The following MAST4 variants were observed in gnomAD, a reference collection of about 807,000 sequenced individuals.
MAST4 encodes microtubule associated serine/threonine kinase family member 4, also known as microtubule-associated serine/threonine-protein kinase 4.
Under a neutral mutation model 162.7 loss-of-function variants are expected in MAST4, and 89 were observed. That is an observed-to-expected ratio of 0.55 (90% confidence interval 0.46 to 0.65). The LOEUF (loss-of-function observed/expected upper bound fraction) is 0.65, where lower values mean the gene tolerates loss of function less well. Among genes scored for constraint, MAST4 ranks in the 30% least tolerant of loss-of-function variants. The probability of loss-of-function intolerance (pLI) is 0.00; values close to 1 mark genes in which losing one functional copy is unlikely to be tolerated. For missense variants in MAST4, 3,153 were observed against 3,374.0 expected, an observed-to-expected ratio of 0.93 and a Z score of 1.62; for synonymous variants, 1,479 against 1,361.1, an observed-to-expected ratio of 1.09 and a Z score of -1.91.
intron 1 of MAST4, among the ~76,000 whole-genome samples, chr5:66,647,213 A>G (rs1167576553): frequency 1.3e-5 from 2 of 152,150 alleles, no homozygotes; most frequent in Non-Finnish European, 2.9e-5. Flanking sequence ...CTCCAGGATC[A>G]CTGATTGGGA....
chr5:67,141,553 T>TAA (rs920778676), intron 19 of MAST4, among the ~76,000 whole-genome samples: 1 of 152,168 alleles, frequency 6.6e-6, no homozygotes, highest in Non-Finnish European at 1.5e-5. Context: ...TTGGAGACAT[T>TAA]AAAAGTCTAT....
At chr5:66,968,697 T>C (rs999329488) in intron 4 of MAST4, among the ~76,000 whole-genome samples, 15 of 152,258 alleles carry the variant, frequency 9.9e-5, no homozygotes, top group Admixed American at 5.2e-4. Flanking sequence ...ATAGAAGGTA[T>C]GTTTTGAGAG....
rs139236968 is a variant in MAST4, at chr5:66,801,673, A to G, written c.642+12879A>G. Among the ~76,000 whole-genome samples the G allele has an allele frequency of 3.9e-3, 587 of 152,290 alleles. 4 individuals are homozygous for G. Among genetic ancestry groups the G allele is most frequent in the African/African-American group, 0.013 (561 of 41,566 alleles). On this transcript the variant is annotated intron_variant, in intron 3 of 28. Transcript: ENST00000403625. ...AGGCTGCCTGTCTTTTCTTTTTGGA[A>G]AGGTTTATTTTATTTTTAAGTGGAA...
At chr5:67,019,551 T>G (rs953156711) in intron 4 of MAST4, among the ~76,000 whole-genome samples, 2 of 152,234 alleles carry the variant, frequency 1.3e-5, no homozygotes, top group Non-Finnish European at 2.9e-5. Flanking sequence ...TAGAAATGTT[T>G]TTTCTCCATA....
rs1427986771 is a variant in MAST4, at chr5:67,012,563, T to TA, written c.675-41840dup. 3.5e-4 allele frequency among the ~76,000 whole-genome samples: 54 copies of TA among 152,328 alleles called. 2 individuals carry two copies. The highest frequency in any genetic ancestry group is 3.3e-3 in the Admixed American group (51 of 15,306). ...CAAGATATTAAAATGGTCCTGGGGC[T>TA]ACCTAGATGAAAGTAGATACAAAGT... On this transcript the variant is annotated intron_variant, in intron 4 of 28. Coordinates refer to ENST00000403625, the MANE Select transcript of MAST4 (RefSeq NM_001164664.2).
chr5:66,948,127 C>G lies in MAST4; in HGVS notation c.674+48145C>G, dbSNP rs143989351. 2.8e-3 allele frequency among the ~76,000 whole-genome samples: 421 copies of G among 152,190 alleles called. 2 individuals are homozygous for G. The highest frequency in any genetic ancestry group is 6.8e-3 in the Middle Eastern group (2 of 294). On this transcript the variant is annotated intron_variant, in intron 4 of 28. Transcript: ENST00000403625. ...ATGAAGGAGGCTGGCAGCTTAAAGA[C>G]TTAAACAGGCTGAGGGACTAAGTTC...
At chr5:66,989,173 G>A (rs1254715017) in intron 4 of MAST4, among the ~76,000 whole-genome samples, 1 of 152,102 alleles carries the variant, frequency 6.6e-6, no homozygotes, top group African/African-American at 2.4e-5. Context: ...GGCTTCCAAA[G>A]GTAAGTTTCT....
At chr5:66,819,775 A>AT (rs33985795) in intron 3 of MAST4, among the ~76,000 whole-genome samples, 64,278 of 137,124 alleles carry the variant, frequency 0.47, 15,419 homozygotes, top group East Asian at 0.65. Flanking sequence ...TCACTGTGGG[A>AT]TTTTTTTTTT....
chr5:66,696,040 A>G (rs1191693798), intron 1 of MAST4, among the ~76,000 whole-genome samples: 1 of 152,218 alleles, frequency 6.6e-6, no homozygotes, highest in African/African-American at 2.4e-5. Context: ...GAATGAGATC[A>G]TGTTCTTTGC....
chr5:66,819,775 A>ATTT lies in MAST4; in HGVS notation c.642+30995_642+30997dup, dbSNP rs33985795. Among the ~76,000 whole-genome samples, 905 of 137,242 alleles carry ATTT rather than the reference A, an allele frequency of 6.6e-3. 15 individuals carry two copies. Among genetic ancestry groups the ATTT allele is most frequent in the African/African-American group, 0.019 (711 of 36,670 alleles). 90.0% of individuals were successfully genotyped at this position (137,242 alleles called of 152,430 possible). ...GAACTTAGCTTCTCCTCACTGTGGG[A>ATTT]TTTTTTTTTTTTTTTTCCAACAGGG... is the stretch of plus-strand genomic sequence containing the variant. On this transcript the variant is annotated intron_variant, in intron 3 of 28. Transcript: ENST00000403625.
At chr5:66,644,288 A>G (rs1420676652) in intron 1 of MAST4, among the ~76,000 whole-genome samples, 1 of 152,198 alleles carries the variant, frequency 6.6e-6, no homozygotes, top group Non-Finnish European at 1.5e-5. Flanking sequence ...TCTGGGGATT[A>G]TATTCAAGGG....
intron 1 of MAST4, among the ~76,000 whole-genome samples, chr5:66,691,626 T>A (rs1204312448): frequency 6.6e-6 from 1 of 152,156 alleles, no homozygotes; most frequent in African/African-American, 2.4e-5. Context: ...TTAGGGCCCA[T>A]GTTCTGGTTC....
chr5:66,996,285 A>AATAT lies in MAST4; in HGVS notation c.675-58107_675-58104dup, dbSNP rs373367464. On this transcript the variant is annotated intron_variant, in intron 4 of 28. Coordinates refer to ENST00000403625, the MANE Select transcript of MAST4 (RefSeq NM_001164664.2). ...CAAGAGTGAAACTCCATCTCAAAAA[A>AATAT]ATATATATATATATACTTTGTTGAT... Among the ~76,000 whole-genome samples, 681 of 151,702 alleles carry AATAT rather than the reference A, an allele frequency of 4.5e-3. 2 individuals carry two copies. Among genetic ancestry groups the AATAT allele is most frequent in the Non-Finnish European group, 6.8e-3 (464 of 67,890 alleles).
chr5:66,638,119 G>A (rs1017811068), intron 1 of MAST4, among the ~76,000 whole-genome samples: 4 of 152,040 alleles, frequency 2.6e-5, no homozygotes, highest in African/African-American at 9.7e-5. Context: ...TCACCGTTAG[G>A]AACCTTCAAG....
chr5:67,108,529 A>G (rs1765848594), intron 10 of MAST4, among the ~76,000 whole-genome samples: 1 of 152,154 alleles, frequency 6.6e-6, no homozygotes. Flanking sequence ...ATATATGTGC[A>G]TTGTTATATA....
chr5:66,991,740 G>A (rs531649239), intron 4 of MAST4, among the ~76,000 whole-genome samples: 1 of 152,344 alleles, frequency 6.6e-6, no homozygotes, highest in South Asian at 2.1e-4. Context: ...GGGAGAGAAA[G>A]GACTCTGGCA....
chr5:66,621,605 A>G lies in MAST4; in HGVS notation c.363+24587A>G, dbSNP rs187162836. On this transcript the variant is annotated intron_variant, in intron 1 of 28. Coordinates refer to ENST00000403625, the MANE Select transcript of MAST4 (RefSeq NM_001164664.2). Reference sequence around the variant, plus strand: ...TTAGGTATTTTTTGCATATTTCACAATAAAAATGGTTAAAAAAAGTCACTA... The same window carrying G: ...TTAGGTATTTTTTGCATATTTCACAGTAAAAATGGTTAAAAAAAGTCACTA... Among the ~76,000 whole-genome samples the G allele has an allele frequency of 1.2e-4, 19 of 152,312 alleles. No homozygotes were observed. In the East Asian group the frequency reaches 3.3e-3, roughly 26 times the overall value.
intron 4 of MAST4, among the ~76,000 whole-genome samples, chr5:66,928,946 G>A (rs938897295): frequency 2.6e-5 from 4 of 152,194 alleles, no homozygotes; most frequent in African/African-American, 9.6e-5. Context: ...ACTGGGAGAA[G>A]CATCAGCTAA....
chr5:66,828,613 A>G (rs1324996263), intron 3 of MAST4, among the ~76,000 whole-genome samples: 1 of 152,186 alleles, frequency 6.6e-6, no homozygotes. Flanking sequence ...GGATAAATGC[A>G]TTAGGTGTCT....
Sources: allele counts gnomAD v4.1 joint callset (sites outside exome capture counted in the v4.1 genomes callset), GRCh38; gene constraint gnomAD v4.1.1; transcripts MANE v1.5; gene names NCBI Gene and HGNC (gene_info 2026-07-23, HGNC 2026-07-21).